NAALADL2: variants seen among roughly 807,000 people sequenced by gnomAD.
NAALADL2 encodes the protein N-acetylated alpha-linked acidic dipeptidase like 2.
NAALADL2 carries 76 observed loss-of-function variants against 87.2 expected under a neutral mutation model. The observed-to-expected ratio is 0.87, with a 90% CI of 0.72 to 1.05. The LOEUF (loss-of-function observed/expected upper bound fraction) is 1.05, where lower values mean the gene tolerates loss of function less well. Among genes scored for constraint, NAALADL2 ranks in the 50% least tolerant of loss-of-function variants. The pLI, the probability that NAALADL2 is intolerant of heterozygous loss-of-function variation, is 0.00. For synonymous variants in NAALADL2, 354 were observed against 331.0 expected (o/e 1.07, Z -0.75); for missense variants, 1,089 against 945.8 (o/e 1.15, Z -1.99).
chr3:174,702,114 T>C (rs1729608319), intron 2 of NAALADL2, among the ~76,000 whole-genome samples: 2 of 152,172 alleles, frequency 1.3e-5, no homozygotes, highest in South Asian at 2.1e-4. Context: ...TTCTGGTCAG[T>C]CTACTAAGTA....
chr3:174,527,002 C>G (rs978632992), intron 1 of NAALADL2, among the ~76,000 whole-genome samples: 18 of 151,992 alleles, frequency 1.2e-4, no homozygotes, highest in African/African-American at 4.1e-4. Context: ...TAGTTTATCA[C>G]TAAAATAACT....
intron 2 of NAALADL2, among the ~76,000 whole-genome samples, chr3:175,182,487 A>C (rs746519458): frequency 1.3e-4 from 20 of 150,520 alleles, no homozygotes; most frequent in Non-Finnish European, 2.4e-4. Flanking sequence ...TCCTGGGCTC[A>C]AGCAGCCCTT....
intron 2 of NAALADL2, among the ~76,000 whole-genome samples, chr3:175,187,843 ACATGAT>A (rs1737576936): frequency 6.6e-6 from 1 of 152,210 alleles, no homozygotes; most frequent in African/African-American, 2.4e-5. Flanking sequence ...AAATGAGTGA[ACATGAT>A]CCTTGCCTAC....
upstream of NAALADL2, among the ~76,000 whole-genome samples, chr3:174,854,835 C>CTTTTTT (rs68116968): frequency 6.7e-4 from 75 of 111,986 alleles, no homozygotes; most frequent in Non-Finnish European, 8.2e-4. Flanking sequence ...GCTTTTTTTT[C>CTTTTTT]TTTTTTTTTT....
chr3:175,310,263 C>T (rs1758197745), intron 4 of NAALADL2, among the ~76,000 whole-genome samples: 1 of 152,020 alleles, frequency 6.6e-6, no homozygotes, highest in Non-Finnish European at 1.5e-5. Context: ...TCTTTATCTT[C>T]ATAGGATGAT....
intron 3 of NAALADL2, among the ~76,000 whole-genome samples, chr3:174,793,299 A>G (rs900488151): frequency 6.6e-6 from 1 of 152,160 alleles, no homozygotes; most frequent in African/African-American, 2.4e-5. Context: ...AATGGATTTT[A>G]TTGTTTAACA....
chr3:174,965,313 T>C (rs1350181239), intron 1 of NAALADL2, among the ~76,000 whole-genome samples: 3 of 152,120 alleles, frequency 2.0e-5, no homozygotes, highest in Admixed American at 6.5e-5. Flanking sequence ...CAAGGTCAAA[T>C]GAGGACAGAC....
At chr3:175,568,345 C>A (rs1717540076) in intron 9 of NAALADL2, among the ~76,000 whole-genome samples, 1 of 151,980 alleles carries the variant, frequency 6.6e-6, no homozygotes, top group Non-Finnish European at 1.5e-5. Context: ...ACATGGCACA[C>A]ACAGTAAATA....
chr3:174,526,490 T>A (rs1474362320), intron 1 of NAALADL2, among the ~76,000 whole-genome samples: 1 of 152,156 alleles, frequency 6.6e-6, no homozygotes, highest in Non-Finnish European at 1.5e-5. Context: ...GTCTAACACT[T>A]TACATATTGC....
At chr3:174,731,285 C>T (rs1346241893) in intron 2 of NAALADL2, among the ~76,000 whole-genome samples, 1 of 152,062 alleles carries the variant, frequency 6.6e-6, no homozygotes, top group Non-Finnish European at 1.5e-5. Context: ...ATTGGAGCTT[C>T]TCTGCTATAT....
chr3:175,268,322 A>G (rs970140964), intron 4 of NAALADL2, among the ~76,000 whole-genome samples: 1 of 152,134 alleles, frequency 6.6e-6, no homozygotes, highest in African/African-American at 2.4e-5. Context: ...AGTACAGTAA[A>G]AATATGATAT....
At chr3:174,666,069 G>T (rs1016382566) in intron 2 of NAALADL2, among the ~76,000 whole-genome samples, 6 of 151,964 alleles carry the variant, frequency 3.9e-5, no homozygotes, top group African/African-American at 9.7e-5. Flanking sequence ...AGGTACCTAG[G>T]GTTAGGATGT....
chr3:175,419,968 T>A (rs1715375817), intron 5 of NAALADL2, among the ~76,000 whole-genome samples: 1 of 151,932 alleles, frequency 6.6e-6, no homozygotes, highest in African/African-American at 2.4e-5. Flanking sequence ...ATCTGAAGAA[T>A]AAAAAATACT....
chr3:174,675,453 T>C (rs1447466579), intron 2 of NAALADL2, among the ~76,000 whole-genome samples: 2 of 152,054 alleles, frequency 1.3e-5, no homozygotes, highest in African/African-American at 4.8e-5. Flanking sequence ...CCACTTTCCA[T>C]GTTAAATAAG....
At chr3:174,763,221 C>G (rs923745603) in intron 3 of NAALADL2, among the ~76,000 whole-genome samples, 1 of 151,814 alleles carries the variant, frequency 6.6e-6, no homozygotes, top group Admixed American at 6.6e-5. Flanking sequence ...CAATCCTGTT[C>G]AGAGTGATAT....
chr3:175,451,000 G>A (rs1721481114), intron 6 of NAALADL2, among the ~76,000 whole-genome samples: 4 of 152,092 alleles, frequency 2.6e-5, no homozygotes, highest in Admixed American at 2.6e-4. Context: ...GTAAAGGGGA[G>A]AGAAAGATAG....
chr3:175,782,332 AG>A, intron 13 of NAALADL2, among the ~76,000 whole-genome samples: 1 of 37,502 alleles, frequency 2.7e-5, no homozygotes, highest in East Asian at 8.9e-4. Flanking sequence ...ACAGTGTAAA[AG>A]TGTTCCTATT....
rs1227131718 is a variant in NAALADL2, at chr3:175,809,839, CAG to C, written c.*6637_*6638del. 1 of 151,892 alleles carries C rather than the reference CAG, an allele frequency of 6.6e-6. No individual in the cohort carries two copies. Among genetic ancestry groups the C allele is most frequent in the Non-Finnish European group, 1.5e-5 (1 of 67,964 alleles). 9.4% of individuals were successfully genotyped at this position (151,892 alleles called of 1,614,324 possible). ...ATGTAAGATTTTAGAAGTAAAATCT[CAG>C]TGGTATAACATTTAAAACACAGCCT... On this transcript the variant is annotated 3_prime_UTR_variant, in exon 14 of 14. Transcript: ENST00000454872.
At chr3:174,835,687 G>A (rs985111210) in intron 3 of NAALADL2, among the ~76,000 whole-genome samples, 1 of 151,984 alleles carries the variant, frequency 6.6e-6, no homozygotes, top group Non-Finnish European at 1.5e-5. Flanking sequence ...TTTTAAATGT[G>A]CAAATAAGTT....
Sources: allele counts gnomAD v4.1 joint callset (sites outside exome capture counted in the v4.1 genomes callset), GRCh38; gene constraint gnomAD v4.1.1; transcripts MANE v1.5; gene names NCBI Gene and HGNC (gene_info 2026-07-23, HGNC 2026-07-21).